The following NCOA2 variants were observed in gnomAD, a reference collection of about 807,000 sequenced individuals.
NCOA2 encodes the protein nuclear receptor coactivator 2, also known as class E basic helix-loop-helix protein 75.
A neutral mutation model predicts 145.1 loss-of-function variants in NCOA2; 21 were observed. The ratio of observed to expected loss-of-function variants is 0.14; its 90% CI spans 0.10 to 0.21. The LOEUF is 0.21. Among genes scored for constraint, NCOA2 ranks in the 10% least tolerant of loss-of-function variants. The pLI is 1.00. For synonymous variants in NCOA2, 619 were observed against 637.5 expected (o/e 0.97, Z 0.44); for missense variants, 1,472 against 1,837.6 (o/e 0.80, Z 3.64).
intron 4 of NCOA2, among the ~76,000 whole-genome samples, chr8:70,207,382 TAAAC>T (rs910885107): frequency 3.6e-4 from 55 of 152,222 alleles, no homozygotes; most frequent in African/African-American, 1.2e-3. Context: ...TGAAAGCTGT[TAAAC>T]AAAAAACTTC....
At chr8:70,341,372 G>C (rs996061844) in intron 1 of NCOA2, among the ~76,000 whole-genome samples, 1 of 152,120 alleles carries the variant, frequency 6.6e-6, no homozygotes, top group Non-Finnish European at 1.5e-5. Context: ...AGGTGACAGA[G>C]CAAGACCCTG....
intron 1 of NCOA2, among the ~76,000 whole-genome samples, chr8:70,397,461 G>GAAA (rs11347613): frequency 9.3e-6 from 1 of 107,046 alleles, no homozygotes. Flanking sequence ...TCAAAAAAAG[G>GAAA]AAAAAAAAAA....
chr8:70,185,835 T>C (rs1012196148), intron 4 of NCOA2, among the ~76,000 whole-genome samples: 8 of 152,312 alleles, frequency 5.3e-5, no homozygotes, highest in African/African-American at 1.9e-4. Context: ...AATAGGTCTG[T>C]CTAGTCTCAA....
intron 2 of NCOA2, among the ~76,000 whole-genome samples, chr8:70,219,050 T>C (rs1819907859): frequency 6.6e-6 from 1 of 152,196 alleles, no homozygotes; most frequent in Non-Finnish European, 1.5e-5. Context: ...TATATATTAT[T>C]TGCATCATTT....
At chr8:70,229,107 T>C (rs72663957) in intron 2 of NCOA2, among the ~76,000 whole-genome samples, 98 of 152,358 alleles carry the variant, frequency 6.4e-4, no homozygotes, top group Admixed American at 2.0e-3. Flanking sequence ...CAGGTCTCTT[T>C]TGGTATTAAA....
chr8:70,177,528 C>T lies in NCOA2; in HGVS notation c.260-2669G>A, dbSNP rs1395430299. Among the ~76,000 whole-genome samples, 6 of 152,078 alleles carry T rather than the reference C, an allele frequency of 3.9e-5. No homozygotes were observed. In the East Asian group the frequency reaches 1.2e-3, roughly 29 times the overall value. On this transcript the variant is annotated intron_variant, in intron 4 of 22. Transcript: ENST00000452400. ...TGTGTGGAAAGATAAAGTAATTTTC[C>T]CCTTTTGCCTCACAGGACCTCCAGG...
chr8:70,217,623 T>TA (rs11403245), intron 2 of NCOA2, among the ~76,000 whole-genome samples: 7,011 of 150,144 alleles, frequency 0.047, 265 homozygotes, highest in East Asian at 0.16. Context: ...AGTAAGAAAA[T>TA]AAAAAAAAAT....
chr8:70,374,796 T>TAAA (rs543953209), intron 1 of NCOA2, among the ~76,000 whole-genome samples: 54 of 133,362 alleles, frequency 4.0e-4, no homozygotes, highest in African/African-American at 1.4e-3. Flanking sequence ...GCTGTCTCTT[T>TAAA]AAAAAAAAAA....
At chr8:70,178,772 A>C (rs562821043) in intron 4 of NCOA2, among the ~76,000 whole-genome samples, 90 of 152,352 alleles carry the variant, frequency 5.9e-4, no homozygotes, top group Non-Finnish European at 1.0e-3. Flanking sequence ...TGGATTCTGC[A>C]GGATATGCAA....
intron 1 of NCOA2, among the ~76,000 whole-genome samples, chr8:70,403,249 CG>C (rs1344298990): frequency 6.6e-6 from 1 of 151,378 alleles, no homozygotes; most frequent in Non-Finnish European, 1.5e-5. Context: ...CGGTCTCCGC[CG>C]ACCCCGCACC....
chr8:70,362,762 T>C lies in NCOA2; in HGVS notation c.-77+40938A>G, dbSNP rs190810827. On this transcript the variant is annotated intron_variant, in intron 1 of 22. Transcript: ENST00000452400. ...ATTTGGCAGTTTCTTATAAAGTTTA[T>C]GTTTAACAAGTTAAGTTTACAAGTA... Among the ~76,000 whole-genome samples the C allele has an allele frequency of 9.9e-5, 15 of 152,268 alleles. No homozygotes were observed. In the East Asian group the frequency reaches 2.5e-3, roughly 25 times the overall value.
intron 4 of NCOA2, among the ~76,000 whole-genome samples, chr8:70,192,075 A>G (rs566784384): frequency 1.3e-5 from 2 of 152,304 alleles, no homozygotes; most frequent in East Asian, 3.9e-4. Flanking sequence ...ACAAAAAATA[A>G]AAGACTGAAG....
intron 1 of NCOA2, among the ~76,000 whole-genome samples, chr8:70,377,003 T>C (rs1306675958): frequency 1.3e-5 from 2 of 152,090 alleles, no homozygotes; most frequent in African/African-American, 4.8e-5. Context: ...GAAAAATATA[T>C]ATTGATTTTC....
chr8:70,399,083 G>A (rs1470597688), intron 1 of NCOA2, among the ~76,000 whole-genome samples: 1 of 152,146 alleles, frequency 6.6e-6, no homozygotes, highest in Non-Finnish European at 1.5e-5. Context: ...CCTCTATCTA[G>A]AAATTAGCAT....
At chr8:70,127,162 GA>G (rs930434757) in intron 18 of NCOA2, 115 bp from the exon 19 acceptor site, 16 of 716,506 alleles carry the variant, frequency 2.2e-5, no homozygotes, top group Non-Finnish European at 3.3e-5. Context: ...AAATTATTTG[GA>G]AAAAAATTAC....
At chr8:70,388,292 G>A (rs1303437204) in intron 1 of NCOA2, among the ~76,000 whole-genome samples, 1 of 152,080 alleles carries the variant, frequency 6.6e-6, no homozygotes, top group East Asian at 1.9e-4. Context: ...TCTTATTAAA[G>A]GTATATGTAA....
At chr8:70,130,953 T>A (rs2131564701) in intron 16 of NCOA2, among the ~76,000 whole-genome samples, 1 of 152,374 alleles carries the variant, frequency 6.6e-6, no homozygotes, top group South Asian at 2.1e-4. Flanking sequence ...TATGTTAGGT[T>A]ATTTACTATA....
At chr8:70,318,758 G>A (rs142606865) in intron 1 of NCOA2, among the ~76,000 whole-genome samples, 8 of 152,142 alleles carry the variant, frequency 5.3e-5, no homozygotes, top group Middle Eastern at 3.4e-3. Context: ...GGGAGACCCT[G>A]TCTCAAAAGA....
At chr8:70,302,229 T>G (rs936182092) in intron 1 of NCOA2, among the ~76,000 whole-genome samples, 1 of 152,082 alleles carries the variant, frequency 6.6e-6, no homozygotes, top group Non-Finnish European at 1.5e-5. Context: ...TTTAATAAAA[T>G]AGTAAAATTC....
Sources: allele counts gnomAD v4.1 joint callset (sites outside exome capture counted in the v4.1 genomes callset), GRCh38; gene constraint gnomAD v4.1.1; transcripts MANE v1.5; gene names NCBI Gene and HGNC (gene_info 2026-07-23, HGNC 2026-07-21).